Variants in RP1L1 observed in about 807,000 individuals in gnomAD.
RP1L1 encodes RP1 like 1.
Under a neutral mutation model 15.7 loss-of-function variants are expected in RP1L1, and 27 were observed. The observed-to-expected ratio is 1.72, with a 90% CI of 1.27 to 2.38. The LOEUF is 2.38. Among genes scored for constraint, RP1L1 ranks in the 30% most tolerant of loss-of-function variants. The pLI, the probability that RP1L1 is intolerant of heterozygous loss-of-function variation, is 0.00. For missense variants in RP1L1, 4,798 were observed against 3,075.9 expected, an observed-to-expected ratio of 1.56 and a Z score of -13.24; for synonymous variants, 1,813 against 1,276.7, an observed-to-expected ratio of 1.42 and a Z score of -8.96.
Position 10,608,471 on chromosome 8 carries a change from G to C in RP1L1, c.5627C>G (p.Ala1876Gly), listed in dbSNP as rs1797756308. ...EAQPESEDVE[A>G]PEAEGEAQPE... is the part of the protein sequence containing the mutation. The stretch of plus-strand genomic sequence containing the variant: ...CTGGGCCTCTCCTTCTGCCTCTGGG[G>C]CCTCTACATCTTCTGACTCTGGCTG... The change falls in exon 4 of 4, where the codon GCC becomes GGC. Residue 1876 changes from alanine to glycine, a missense_variant. By Grantham distance (60) the Ala-to-Gly change is moderately conservative (BLOSUM62 0). Coordinates refer to ENST00000382483, the MANE Select transcript of RP1L1 (RefSeq NM_178857.6). 5 of 1,603,780 alleles carry C rather than the reference G, an allele frequency of 3.1e-6. No individual in the cohort carries two copies. Among genetic ancestry groups the C allele is most frequent in the Non-Finnish European group, 4.3e-6 (5 of 1,175,984 alleles).
In RP1L1 at chr8:10,608,625, C is replaced by T; in HGVS notation, c.5473G>A (p.Asp1825Asn). The change falls in exon 4 of 4, where the codon GAT (aspartate) becomes AAT (asparagine). Residue 1825 changes from aspartate (D) to asparagine (N), a missense_variant. By Grantham distance (23) the Asp-to-Asn change is conservative (BLOSUM62 1). Transcript: ENST00000382483. Reference protein sequence around the residue: ...QGEAAAGGDQDPGQSDGAEGI... With the variant: ...QGEAAAGGDQNPGQSDGAEGI... ...TCGGCCCCATCACTCTGTCCTGGATCTTGGTCACCTCCTGCCGCAGCTTCA... is the reference window on the plus strand; with the variant it reads ...TCGGCCCCATCACTCTGTCCTGGATTTTGGTCACCTCCTGCCGCAGCTTCA... The T allele has an allele frequency of 6.2e-7, 1 of 1,614,212 alleles. No homozygotes were observed.
intron 2 of RP1L1, chr8:10,621,641 A>C: frequency 2.2e-6 from 1 of 452,216 alleles, no homozygotes; most frequent in South Asian, 1.6e-5. Context: ...ATATTTATGA[A>C]GTATTGGTGG....
intron 1 of RP1L1, among the ~76,000 whole-genome samples, chr8:10,632,194 CA>C (rs560626178): frequency 1.1e-3 from 175 of 152,250 alleles, no homozygotes; most frequent in Non-Finnish European, 1.9e-3. Context: ...GGGAAGCAAC[CA>C]GGGGCACCAA....
rs373284948 is a variant in RP1L1, at chr8:10,612,109, G to T, written c.1989C>A (p.Gly663=). 6.2e-7 allele frequency: 1 copy of T among 1,613,772 alleles called. No homozygotes were observed. Among genetic ancestry groups the T allele is most frequent in the South Asian group, 1.1e-5 (1 of 91,088 alleles). The change falls in exon 4 of 4, where the codon GGC becomes GGA. Residue 663 remains glycine (G), a synonymous_variant. Transcript: ENST00000382483. ...SPGLGRVAPR[G]HPRHSHYRKD... ...TGCGGTAGTGAGAATGCCTGGGATG[G>T]CCTCTCGGGGCCACTCGGCCAAGGC...
chr8:10,637,983 G>A (rs979316786), intron 1 of RP1L1, among the ~76,000 whole-genome samples: 6 of 152,218 alleles, frequency 3.9e-5, no homozygotes, highest in Admixed American at 2.6e-4. Context: ...TTTGCAACAA[G>A]AATAGGCGAT....
chr8:10,625,859 C>T (rs530921517), intron 1 of RP1L1, among the ~76,000 whole-genome samples: 301 of 152,120 alleles, frequency 2.0e-3, no homozygotes, highest in Admixed American at 4.1e-3. Flanking sequence ...TCCACTTGTA[C>T]CGATCAGAGC....
intron 3 of RP1L1, among the ~76,000 whole-genome samples, chr8:10,615,492 G>A (rs1035979222): frequency 2.0e-5 from 3 of 152,114 alleles, no homozygotes; most frequent in Non-Finnish European, 4.4e-5. Context: ...AGGATGCAAC[G>A]CCAGGCACAC....
intron 1 of RP1L1, among the ~76,000 whole-genome samples, chr8:10,642,902 C>T (rs944352950): frequency 6.6e-6 from 1 of 152,074 alleles, no homozygotes; most frequent in Non-Finnish European, 1.5e-5. Flanking sequence ...ATGCATAGTA[C>T]CAGCTAAGAT....
intron 1 of RP1L1, among the ~76,000 whole-genome samples, chr8:10,629,882 C>T (rs142675083): frequency 2.1e-4 from 32 of 152,266 alleles, no homozygotes; most frequent in Non-Finnish European, 4.0e-4. Context: ...TGGTCTGTCC[C>T]CAAGTCTCTG....
chr8:10,635,021 A>G (rs1192941777), intron 1 of RP1L1, among the ~76,000 whole-genome samples: 1 of 152,170 alleles, frequency 6.6e-6, no homozygotes, highest in Non-Finnish European at 1.5e-5. Flanking sequence ...GCCACCTGGG[A>G]TGTATGACAG....
chr8:10,607,067 T>A lies in RP1L1; in HGVS notation c.7031A>T (p.Tyr2344Phe), dbSNP rs757048206. The change falls in exon 4 of 4, where the codon TAC becomes TTC. Residue 2344 changes from tyrosine to phenylalanine, a missense_variant. Coordinates refer to ENST00000382483, the MANE Select transcript of RP1L1 (RefSeq NM_178857.6). ...PHAERKATRM[Y>F]PESSTSEQEE... ...TTGCTCAGAAGTAGAACTTTCTGGG[T>A]ACATCCTGGTGGCCTTCCTCTCTGC... 1.2e-6 allele frequency: 2 copies of A among 1,614,218 alleles called. No individual in the cohort carries two copies.
intron 1 of RP1L1, among the ~76,000 whole-genome samples, chr8:10,648,476 T>G (rs192968847): frequency 6.6e-6 from 1 of 152,280 alleles, no homozygotes; most frequent in Admixed American, 6.5e-5. Context: ...GACACACAAG[T>G]AGGCTTGAGA....
rs1214850024 is a variant in RP1L1, at chr8:10,610,891, C to G, written c.3207G>C (p.Arg1069Ser). The G allele has an allele frequency of 1.2e-6, 2 of 1,610,626 alleles. No individual in the cohort carries two copies. Among genetic ancestry groups the G allele is most frequent in the Admixed American group, 3.3e-5 (2 of 59,846 alleles). ...GGCCAGGAAGTGCCCGCAGGCTCAC[C>G]CTGCAGCCTGCTGGGGCCTCTCTGT... ...GADREAPAGC[R>S]VSLRALPGRV... Residue 1069 changes from arginine to serine, a missense_variant, in exon 4 of 4, where the codon AGG (arginine) becomes AGC (serine). By Grantham distance (110) the Arg-to-Ser change is moderately radical. Transcript: ENST00000382483.
chr8:10,626,964 T>G (rs1284739353), intron 1 of RP1L1, among the ~76,000 whole-genome samples: 2 of 152,148 alleles, frequency 1.3e-5, no homozygotes, highest in Non-Finnish European at 1.5e-5. Flanking sequence ...CTCACACCAT[T>G]AGAACGGCTA....
At chr8:10,614,965 A>G (rs1797942110) in intron 3 of RP1L1, among the ~76,000 whole-genome samples, 1 of 151,940 alleles carries the variant, frequency 6.6e-6, no homozygotes, top group South Asian at 2.1e-4. Context: ...TCCTGAGCCA[A>G]CATGTGGCAA....
chr8:10,650,296 C>A (rs1019332332), intron 1 of RP1L1, among the ~76,000 whole-genome samples: 2 of 152,204 alleles, frequency 1.3e-5, no homozygotes, highest in Non-Finnish European at 2.9e-5. Context: ...ATTCTTCAAG[C>A]CACTTTTAGC....
rs1484417715 is a variant in RP1L1 at position 10,611,425 on chromosome 8, C to T, written c.2673G>A (p.Gly891=). 1 of 1,582,856 alleles carries T rather than the reference C, an allele frequency of 6.3e-7. No individual in the cohort carries two copies. The highest frequency in any genetic ancestry group is 1.1e-5 in the South Asian group (1 of 88,298). Residue 891 remains glycine (G), a synonymous_variant, in exon 4 of 4, where the codon GGG becomes GGA. Transcript: ENST00000382483. The part of the protein sequence containing the change: ...ARGPGGSPQE[G]TRQPGPTPSP... ...ACGGCGTGGGGCCTGGCTGGCGTGT[C>T]CCCTCCTGCGGGCTCCCACCTGGCC...
intron 1 of RP1L1, among the ~76,000 whole-genome samples, chr8:10,650,203 C>T (rs754764469): frequency 6.6e-6 from 1 of 152,184 alleles, no homozygotes; most frequent in African/African-American, 2.4e-5. Context: ...ATCCCAGAGT[C>T]TCTACTCATG....
chr8:10,648,000 T>C (rs888471491), intron 1 of RP1L1, among the ~76,000 whole-genome samples: 2 of 152,004 alleles, frequency 1.3e-5, no homozygotes, highest in Non-Finnish European at 2.9e-5. Flanking sequence ...CTCACTAGCA[T>C]TTGTTGTTAT....
Sources: allele counts gnomAD v4.1 joint callset (sites outside exome capture counted in the v4.1 genomes callset), GRCh38; gene constraint gnomAD v4.1.1; transcripts MANE v1.5; gene names NCBI Gene and HGNC (gene_info 2026-07-23, HGNC 2026-07-21).